Variants in GPC5 observed in about 807,000 individuals in gnomAD.
The protein encoded by GPC5 is glypican-5.
GPC5 carries 47 observed loss-of-function variants against 53.9 expected under a neutral mutation model. The ratio of observed to expected loss-of-function variants is 0.87; its 90% confidence interval spans 0.69 to 1.11. The LOEUF is 1.11. Among genes scored for constraint, GPC5 ranks in the 50% most tolerant of loss-of-function variants. The pLI is 0.00. For missense variants in GPC5, 748 were observed against 713.1 expected (o/e 1.05, Z -0.56); for synonymous variants, 286 against 263.3 (o/e 1.09, Z -0.84).
intron 7 of GPC5, among the ~76,000 whole-genome samples, chr13:92,754,602 A>C (rs888163773): frequency 1.3e-5 from 2 of 151,606 alleles, no homozygotes; most frequent in South Asian, 4.2e-4. Flanking sequence ...GTGCAGAGAC[A>C]CACATAGGCT....
chr13:91,484,900 G>A (rs993913767), intron 2 of GPC5, among the ~76,000 whole-genome samples: 1 of 152,186 alleles, frequency 6.6e-6, no homozygotes, highest in Non-Finnish European at 1.5e-5. Flanking sequence ...TTCCTGCGCT[G>A]CAGAAACTCT....
chr13:92,151,219 A>G (rs578093111), intron 7 of GPC5, among the ~76,000 whole-genome samples: 77 of 152,114 alleles, frequency 5.1e-4, no homozygotes, highest in Non-Finnish European at 1.1e-3. Flanking sequence ...TAAAAAGAGT[A>G]TTTGAGCTGA....
chr13:92,110,154 G>T (rs1302534172), intron 6 of GPC5, among the ~76,000 whole-genome samples: 13 of 152,090 alleles, frequency 8.5e-5, no homozygotes, highest in Admixed American at 8.5e-4. Flanking sequence ...GAGATTTGAA[G>T]AATAGGGAAA....
intron 7 of GPC5, among the ~76,000 whole-genome samples, chr13:92,238,644 T>C (rs2042587251): frequency 6.6e-6 from 1 of 152,074 alleles, no homozygotes; most frequent in African/African-American, 2.4e-5. Context: ...TCTCCCTTTC[T>C]CTGGGTTAAC....
chr13:92,213,927 G>A lies in GPC5; in HGVS notation c.1561+68938G>A, dbSNP rs116682312. ...CACTATTGTTATTGAGACTTTCTGT[G>A]ACAGACATAAAAATTTTATTTCCAT... On this transcript the variant is annotated intron_variant, in intron 7 of 7. Coordinates refer to ENST00000377067, the MANE Select transcript of GPC5 (RefSeq NM_004466.6). 7.4e-3 allele frequency among the ~76,000 whole-genome samples: 1,128 copies of A among 152,236 alleles called. 20 individuals carry two copies. The highest frequency in any genetic ancestry group is 0.025 in the African/African-American group (1,025 of 41,532).
intron 6 of GPC5, among the ~76,000 whole-genome samples, chr13:91,910,820 T>G (rs1440797896): frequency 6.6e-6 from 1 of 152,168 alleles, no homozygotes; most frequent in Non-Finnish European, 1.5e-5. Context: ...AAGTTGTGAA[T>G]AAAGCAGACA....
intron 7 of GPC5, among the ~76,000 whole-genome samples, chr13:92,568,553 C>T (rs982953874): frequency 1.4e-4 from 21 of 152,146 alleles, no homozygotes; most frequent in African/African-American, 5.1e-4. Context: ...TTCTAAGTTT[C>T]ACAATGTCTT....
chr13:92,095,755 G>A (rs2041417498), intron 6 of GPC5, among the ~76,000 whole-genome samples: 3 of 152,110 alleles, frequency 2.0e-5, no homozygotes, highest in South Asian at 4.2e-4. Flanking sequence ...GGCTGGTCTC[G>A]AATTCCTGAC....
At chr13:92,268,050 A>G (rs61966573) in intron 7 of GPC5, among the ~76,000 whole-genome samples, 44,855 of 151,888 alleles carry the variant, frequency 0.3, 8,330 homozygotes, top group Non-Finnish European at 0.42. Context: ...AGAAACTGTA[A>G]TCACTCAGAA....
intron 5 of GPC5, among the ~76,000 whole-genome samples, chr13:91,878,253 T>A (rs2039225977): frequency 1.3e-5 from 2 of 152,170 alleles, no homozygotes; most frequent in African/African-American, 4.8e-5. Context: ...ACCCTCATAG[T>A]TATAACACTA....
intron 7 of GPC5, among the ~76,000 whole-genome samples, chr13:92,359,919 T>G (rs1415094826): frequency 6.6e-6 from 1 of 151,738 alleles, no homozygotes; most frequent in Admixed American, 6.6e-5. Flanking sequence ...CACTCAGTTT[T>G]TAATAAGGTT....
At chr13:92,506,021 G>A (rs559129847) in intron 7 of GPC5, among the ~76,000 whole-genome samples, 26 of 152,186 alleles carry the variant, frequency 1.7e-4, no homozygotes, top group Non-Finnish European at 2.4e-4. Context: ...ATAACTGTTC[G>A]GCCTTCTTTT....
intron 7 of GPC5, among the ~76,000 whole-genome samples, chr13:92,523,071 G>C (rs1248030596): frequency 1.3e-5 from 2 of 152,110 alleles, no homozygotes; most frequent in Non-Finnish European, 2.9e-5. Flanking sequence ...GCGGAAAAGT[G>C]ATATAGGATG....
At chr13:91,859,034 CTT>C (rs57168055) in intron 5 of GPC5, among the ~76,000 whole-genome samples, 56,269 of 140,430 alleles carry the variant, frequency 0.4, 11,120 homozygotes, top group South Asian at 0.62. Flanking sequence ...TTATTTAGGT[CTT>C]TTTTTTTTTT....
intron 6 of GPC5, among the ~76,000 whole-genome samples, chr13:92,076,240 A>C (rs1433752166): frequency 6.6e-6 from 1 of 151,626 alleles, no homozygotes; most frequent in Non-Finnish European, 1.5e-5. Flanking sequence ...GGCTTATTTT[A>C]TTTTTTATTT....
chr13:91,891,223 T>C (rs1232005921), intron 5 of GPC5, among the ~76,000 whole-genome samples: 1 of 152,168 alleles, frequency 6.6e-6, no homozygotes, highest in African/African-American at 2.4e-5. Context: ...GAAACAACTT[T>C]TTCTGTCTAC....
intron 7 of GPC5, chr13:92,509,731 A>G (rs564940237): frequency 6.6e-6 from 1 of 152,210 alleles, no homozygotes; most frequent in Non-Finnish European, 1.5e-5. Context: ...TTTAAAAGCT[A>G]GCAAACAAAC....
At chr13:92,600,564 C>G (rs1302681541) in intron 7 of GPC5, among the ~76,000 whole-genome samples, 1 of 151,848 alleles carries the variant, frequency 6.6e-6, no homozygotes, top group Non-Finnish European at 1.5e-5. Flanking sequence ...ATGGCATGAT[C>G]TCAGCTCACT....
intron 7 of GPC5, among the ~76,000 whole-genome samples, chr13:92,724,815 A>G (rs899379804): frequency 1.3e-5 from 2 of 150,844 alleles, no homozygotes; most frequent in African/African-American, 4.9e-5. Context: ...ATAATTAACA[A>G]TGCTCTACTG....
Sources: allele counts gnomAD v4.1 joint callset (sites outside exome capture counted in the v4.1 genomes callset), GRCh38; gene constraint gnomAD v4.1.1; transcripts MANE v1.5; gene names NCBI Gene and HGNC (gene_info 2026-07-23, HGNC 2026-07-21).